Variants in ANK3 observed in about 807,000 individuals in gnomAD.
ANK3 encodes ankyrin 3.
A neutral mutation model predicts 370.9 loss-of-function variants in ANK3; 57 were observed. The ratio of observed to expected loss-of-function variants is 0.15; its 90% confidence interval spans 0.12 to 0.19. The LOEUF is 0.19. Among genes scored for constraint, ANK3 ranks in the 10% least tolerant of loss-of-function variants. ANK3 has a pLI of 1.00. For missense variants in ANK3, 4,439 were observed against 5,302.1 expected (o/e 0.84, Z 5.06); for synonymous variants, 1,929 against 1,946.3 (o/e 0.99, Z 0.23).
intron 1 of ANK3, among the ~76,000 whole-genome samples, chr10:60,719,731 T>C (rs1005963762): frequency 6.6e-6 from 1 of 152,188 alleles, no homozygotes; most frequent in Non-Finnish European, 1.5e-5. Context: ...AGAGATATAA[T>C]ATCTTGTCAC....
At chr10:60,245,636 T>A (rs1464158675) in intron 7 of ANK3, among the ~76,000 whole-genome samples, 1 of 152,222 alleles carries the variant, frequency 6.6e-6, no homozygotes, top group Non-Finnish European at 1.5e-5. Flanking sequence ...TCACTTAGCA[T>A]GTTTTCAAGG....
intron 1 of ANK3, among the ~76,000 whole-genome samples, chr10:60,654,163 T>C (rs998464812): frequency 2.0e-5 from 3 of 152,224 alleles, no homozygotes; most frequent in Non-Finnish European, 2.9e-5. Flanking sequence ...TTTATATATT[T>C]TTCTTATATC....
chr10:60,063,843 C>T (rs1271610139), intron 39 of ANK3, among the ~76,000 whole-genome samples: 1 of 152,242 alleles, frequency 6.6e-6, no homozygotes, highest in African/African-American at 2.4e-5. Flanking sequence ...TTTCTGATGA[C>T]TGTGTCCCAT....
intron 30 of ANK3, 102 bp downstream of exon 30, chr10:60,086,575 T>C: frequency 1.0e-6 from 1 of 959,794 alleles, no homozygotes; most frequent in South Asian, 2.1e-5. Flanking sequence ...TCTTATAATG[T>C]TGGCATGGAT....
At chr10:60,294,862 G>T (rs1264430840) in intron 1 of ANK3, among the ~76,000 whole-genome samples, 1 of 152,086 alleles carries the variant, frequency 6.6e-6, no homozygotes, top group Non-Finnish European at 1.5e-5. Flanking sequence ...TATAGAAAGA[G>T]CACATACATA....
At chr10:60,076,662 AC>A (rs1297669757) in intron 36 of ANK3, among the ~76,000 whole-genome samples, 1 of 152,092 alleles carries the variant, frequency 6.6e-6, no homozygotes, top group Non-Finnish European at 1.5e-5. Context: ...TTAAAAAAAA[AC>A]AACTAAATAA....
chr10:60,261,282 T>C (rs1028130553), intron 7 of ANK3, among the ~76,000 whole-genome samples: 5 of 152,206 alleles, frequency 3.3e-5, no homozygotes, highest in African/African-American at 9.7e-5. Flanking sequence ...AGTGCTACTA[T>C]GTTTGGATGT....
At chr10:60,263,770 CT>C (rs2097843043) in intron 6 of ANK3, 64 bp downstream of exon 6, 11 of 1,581,500 alleles carry the variant, frequency 7.0e-6, no homozygotes, top group African/African-American at 1.3e-5. Flanking sequence ...AGACCGGGTG[CT>C]CTTAAAGGTT....
chr10:60,213,312 C>T, intron 9 of ANK3, 100 bp downstream of exon 9: 1 of 778,232 alleles, frequency 1.3e-6, no homozygotes, highest in Non-Finnish European at 2.1e-6. Context: ...ACTCTGACTG[C>T]TACATTGAAA....
intron 38 of ANK3, among the ~76,000 whole-genome samples, chr10:60,064,635 T>G (rs2081252095): frequency 6.6e-6 from 1 of 151,762 alleles, no homozygotes; most frequent in Non-Finnish European, 1.5e-5. Context: ...GAGACCAGCC[T>G]GGGCAACATG....
At chr10:60,673,342 C>T (rs1264159979) in intron 1 of ANK3, among the ~76,000 whole-genome samples, 1 of 144,130 alleles carries the variant, frequency 6.9e-6, no homozygotes, top group East Asian at 2.0e-4. Context: ...TACCTCTCTT[C>T]AGACAAGATT....
intron 17 of ANK3, among the ~76,000 whole-genome samples, chr10:60,183,866 A>G (rs913397492): frequency 6.6e-6 from 1 of 152,198 alleles, no homozygotes; most frequent in African/African-American, 2.4e-5. Flanking sequence ...CTCAAAAAAA[A>G]AAAAAAAGGT....
At chr10:60,116,762 AAAG>A (rs1239496851) in intron 25 of ANK3, among the ~76,000 whole-genome samples, 1 of 126,314 alleles carries the variant, frequency 7.9e-6, no homozygotes, top group African/African-American at 3.2e-5. Context: ...GTCTAAAAAA[AAAG>A]AAGTCCTAGA....
intron 1 of ANK3, among the ~76,000 whole-genome samples, chr10:60,708,103 C>T (rs2079646086): frequency 6.6e-6 from 1 of 152,090 alleles, no homozygotes; most frequent in African/African-American, 2.4e-5. Flanking sequence ...AGAGGTTCTG[C>T]CAGGGAGCCC....
chr10:60,137,407 CA>C, intron 24 of ANK3: 2 of 191,204 alleles, frequency 1.0e-5, no homozygotes, highest in Non-Finnish European at 2.1e-5. Flanking sequence ...AAATAGAAAG[CA>C]AAAAATCAGA....
chr10:60,318,425 A>T (rs1270569416), intron 1 of ANK3, among the ~76,000 whole-genome samples: 1 of 152,222 alleles, frequency 6.6e-6, no homozygotes, highest in Non-Finnish European at 1.5e-5. Context: ...TCAGACTCTC[A>T]AATCAATGGC....
intron 43 of ANK3, among the ~76,000 whole-genome samples, chr10:60,034,473 G>T (rs2074466331): frequency 6.6e-6 from 1 of 152,194 alleles, no homozygotes; most frequent in Admixed American, 6.5e-5. Context: ...TCACTTTGAG[G>T]ATCTAGATTA....
intron 1 of ANK3, among the ~76,000 whole-genome samples, chr10:60,333,611 T>G (rs61924688): frequency 2.0e-5 from 3 of 152,184 alleles, no homozygotes; most frequent in Non-Finnish European, 4.4e-5. Flanking sequence ...AATAAACATA[T>G]GTGTGCATGT....
chr10:60,140,394 T>C, intron 23 of ANK3: 2 of 1,613,772 alleles, frequency 1.2e-6, no homozygotes, highest in Non-Finnish European at 1.7e-6. Context: ...TGATCAAATG[T>C]TTTCCTGATG....
Sources: allele counts gnomAD v4.1 joint callset (sites outside exome capture counted in the v4.1 genomes callset), GRCh38; gene constraint gnomAD v4.1.1; transcripts MANE v1.5; gene names NCBI Gene and HGNC (gene_info 2026-07-23, HGNC 2026-07-21).